Variants in RELL1 observed in about 807,000 individuals in gnomAD.
RELL1 encodes the protein RELT like 1.
Under a neutral mutation model 23.0 loss-of-function variants are expected in RELL1, and 10 were observed. That is an observed-to-expected ratio of 0.43 (90% CI 0.27 to 0.74). The LOEUF (loss-of-function observed/expected upper bound fraction) is 0.74. RELL1 is among the 30% of genes least tolerant of loss of function. The pLI is 0.19. For missense variants in RELL1, 315 were observed against 364.4 expected (o/e 0.86, Z 1.10); for synonymous variants, 146 against 146.8 (o/e 0.99, Z 0.04).
chr4:37,624,308 C>A (rs897082660), intron 6 of RELL1, among the ~76,000 whole-genome samples: 1 of 152,204 alleles, frequency 6.6e-6, no homozygotes, highest in Non-Finnish European at 1.5e-5. Context: ...CAATTTATCC[C>A]ACCCTCTGAT....
chr4:37,594,524 T>C (rs1324110873), intron 6 of RELL1, among the ~76,000 whole-genome samples: 4 of 152,340 alleles, frequency 2.6e-5, no homozygotes, highest in Non-Finnish European at 4.4e-5. Flanking sequence ...ATATTACATA[T>C]AGGTTTCTTG....
chr4:37,605,236 C>G (rs2939736), intron 6 of RELL1, among the ~76,000 whole-genome samples: 5 of 152,104 alleles, frequency 3.3e-5, no homozygotes, highest in Non-Finnish European at 7.4e-5. Context: ...TGTGTGTATC[C>G]GCATGGGTTG....
rs112861442 is a variant in RELL1, at chr4:37,664,100, G to A, written c.89-14600C>T. The stretch of plus-strand genomic sequence containing the variant: ...AACTGCAAAAAACAAAAGATCGACC[G>A]GGCGCAGTGGCTCATGCCTGTAATC... On this transcript the variant is annotated intron_variant, in intron 1 of 6. Transcript: ENST00000454158. Among the ~76,000 whole-genome samples, 431 of 152,190 alleles carry A rather than the reference G, an allele frequency of 2.8e-3. 2 individuals are homozygous for A. The highest frequency in any genetic ancestry group is 9.6e-3 in the African/African-American group (399 of 41,534).
intron 5 of RELL1, among the ~76,000 whole-genome samples, chr4:37,632,380 A>G (rs139259061): frequency 0.011 from 1,649 of 152,190 alleles, 38 homozygotes; most frequent in African/African-American, 0.038. Context: ...CATGTTGGCC[A>G]GGCCAGTCTC....
intron 6 of RELL1, among the ~76,000 whole-genome samples, chr4:37,598,984 C>A (rs1718949697): frequency 6.6e-6 from 1 of 152,122 alleles, no homozygotes. Context: ...CGCGCCTGGC[C>A]CAAACCTGTG....
downstream of RELL1, among the ~76,000 whole-genome samples, chr4:37,605,770 AG>A (rs1276422408): frequency 5.1e-5 from 7 of 137,278 alleles, no homozygotes; most frequent in African/African-American, 1.9e-4. Flanking sequence ...AAAGAAAGAG[AG>A]AGAGAGAGAG....
chr4:37,617,407 G>A (rs926890468), intron 6 of RELL1, among the ~76,000 whole-genome samples: 5 of 152,278 alleles, frequency 3.3e-5, no homozygotes, highest in South Asian at 2.1e-4. Flanking sequence ...TAAAGTCAGC[G>A]GAGGTCAAAA....
At chr4:37,606,964 T>C (rs1245859542), downstream of RELL1, among the ~76,000 whole-genome samples, 2 of 152,232 alleles carry the variant, frequency 1.3e-5, no homozygotes, top group Non-Finnish European at 2.9e-5. This position sits in a 1 kb window ranked among gnomAD's most constrained non-coding sequence, Gnocchi z 4.1. Flanking sequence ...GGGTAATATG[T>C]ACCATCACGT....
intron 1 of RELL1, among the ~76,000 whole-genome samples, chr4:37,651,202 T>A (rs752897344): frequency 7.2e-5 from 11 of 152,264 alleles, no homozygotes; most frequent in Middle Eastern, 3.4e-3. Context: ...ATGCCTATAA[T>A]CCCAACACTT....
rs750679014 is a variant in RELL1, at chr4:37,635,066, T to A, written c.501A>T (p.Pro167=). 2 of 1,614,162 alleles carry A rather than the reference T, an allele frequency of 1.2e-6. No homozygotes were observed. Among genetic ancestry groups the A allele is most frequent in the Non-Finnish European group, 1.7e-6 (2 of 1,180,014 alleles). The change falls in exon 5 of 7, where the codon CCA becomes CCT. Residue 167 remains proline, a synonymous_variant. Transcript: ENST00000454158. ...SPPVSPGPLS[P]GGTPGKHVCG... ...AGACGTGCTTCCCTGGCGTCCCCCC[T>A]GGTGACAAAGGCCCAGGACTCACTG...
chr4:37,600,005 C>T (rs1051698711), intron 6 of RELL1, among the ~76,000 whole-genome samples: 1 of 152,198 alleles, frequency 6.6e-6, no homozygotes, highest in African/African-American at 2.4e-5. Context: ...TACAGTGGCT[C>T]ACGCCTGTAA....
intron 3 of RELL1, among the ~76,000 whole-genome samples, chr4:37,642,821 G>A (rs1407081275): frequency 1.3e-5 from 2 of 152,144 alleles, no homozygotes; most frequent in Non-Finnish European, 2.9e-5. Context: ...AATTAAACTG[G>A]ACAAAACAAC....
chr4:37,604,828 C>CACAG (rs1719122945), intron 6 of RELL1, among the ~76,000 whole-genome samples: 1 of 73,268 alleles, frequency 1.4e-5, no homozygotes. Context: ...CACAGACACA[C>CACAG]ACATACACAC....
chr4:37,655,921 G>A lies in RELL1; in HGVS notation c.89-6421C>T, dbSNP rs77305324. On this transcript the variant is annotated intron_variant, in intron 1 of 6. Coordinates refer to ENST00000454158, the MANE Select transcript of RELL1 (RefSeq NM_001085400.2). ...TACGAAGGAACTGCAAAATGGTGCC[G>A]CTGCTATGCTGGATAGTATTAAGCC... is the stretch of plus-strand genomic sequence containing the variant. Among the ~76,000 whole-genome samples, 1,278 of 152,274 alleles carry A rather than the reference G, an allele frequency of 8.4e-3. 18 individuals carry two copies. The highest frequency in any genetic ancestry group is 0.028 in the African/African-American group (1,165 of 41,554).
Position 37,604,920 on chromosome 4 carries a change from G to GACAC in RELL1, c.*4-13707_*4-13704dup, listed in dbSNP as rs1491085547. On this transcript the variant is annotated intron_variant, in intron 6 of 6. Transcript: ENST00000314117. ...ACACAGACACACACACACACACACA[G>GACAC]ACACACACACACAGACACACACATA... Among the ~76,000 whole-genome samples the GACAC allele has an allele frequency of 2.1e-3, 228 of 108,152 alleles. 4 individuals are homozygous for GACAC. In the East Asian group the frequency reaches 0.022, roughly 11 times the overall value. 71.0% of individuals were successfully genotyped at this position (108,152 alleles called of 152,430 possible). A position where few individuals can be genotyped will look rare whatever the true frequency, so the allele number is the denominator to read the frequency against.
downstream of RELL1, among the ~76,000 whole-genome samples, chr4:37,609,648 TAGAGACATTAAC>T (rs1182258885): frequency 6.6e-6 from 1 of 151,996 alleles, no homozygotes; most frequent in African/African-American, 2.4e-5. Flanking sequence ...GAGGTAAAAA[TAGAGACATTAAC>T]AGGAGTCTGG....
intron 6 of RELL1, among the ~76,000 whole-genome samples, chr4:37,619,251 C>T (rs370425949): frequency 3.3e-5 from 5 of 150,942 alleles, no homozygotes; most frequent in East Asian, 2.0e-4. Context: ...GGCGCAATCT[C>T]GGCTCACTGC....
intron 5 of RELL1, among the ~76,000 whole-genome samples, chr4:37,632,098 A>AC (rs1392042624): frequency 3.3e-5 from 5 of 149,860 alleles, no homozygotes; most frequent in African/African-American, 1.2e-4. Flanking sequence ...AAAAAAAAAA[A>AC]AAAAAAAAAA....
intron 1 of RELL1, among the ~76,000 whole-genome samples, chr4:37,673,371 T>C (rs1240638050): frequency 6.6e-6 from 1 of 151,672 alleles, no homozygotes; most frequent in Non-Finnish European, 1.5e-5. Flanking sequence ...TGTCCTATTT[T>C]TGTAGAGACG....
Sources: allele counts gnomAD v4.1 joint callset (sites outside exome capture counted in the v4.1 genomes callset), GRCh38; gene constraint gnomAD v4.1.1; non-coding constraint Gnocchi (gnomAD v3.1); transcripts MANE v1.5; gene names NCBI Gene and HGNC (gene_info 2026-07-23, HGNC 2026-07-21).